Variants in RGS6 observed in about 807,000 individuals in gnomAD.
RGS6 encodes regulator of G-protein signaling 6.
In RGS6, 30 loss-of-function variants were observed where a neutral mutation model predicts 78.5. That is an observed-to-expected ratio of 0.38 (90% CI 0.29 to 0.52). The LOEUF is 0.52. Among genes scored for constraint, RGS6 ranks in the 20% least tolerant of loss-of-function variants. The pLI is 0.85. For missense variants in RGS6, 495 were observed against 609.7 expected, an observed-to-expected ratio of 0.81 and a Z score of 1.98; for synonymous variants, 206 against 206.0, an observed-to-expected ratio of 1.00 and a Z score of 0.00.
At chr14:71,910,534 C>T in the RGS6 span, among the ~76,000 whole-genome samples, 1 of 152,344 alleles carries the variant, frequency 6.6e-6, no homozygotes, top group South Asian at 2.1e-4. Flanking sequence ...CATTGCTGTG[C>T]ATTACACACA....
chr14:72,210,990 G>A (rs1599593149), intron 2 of RGS6, among the ~76,000 whole-genome samples: 1 of 152,112 alleles, frequency 6.6e-6, no homozygotes, highest in East Asian at 1.9e-4. Flanking sequence ...TTCATCTTGT[G>A]TCAAAATCAG....
chr14:72,249,629 T>G lies in RGS6; in HGVS notation c.85-102466T>G, dbSNP rs144183262. On this transcript the variant is annotated intron_variant, in intron 2 of 17. Transcript: ENST00000553525. Reference sequence around the variant, plus strand: ...ACTTGTCTGACATTTATTTTCATCCTACAATGTGAATGCAATGAAGGATCA... The same window carrying G: ...ACTTGTCTGACATTTATTTTCATCCGACAATGTGAATGCAATGAAGGATCA... 4.6e-5 allele frequency among the ~76,000 whole-genome samples: 7 copies of G among 152,344 alleles called. No individual in the cohort carries two copies. In the East Asian group the frequency reaches 1.4e-3, roughly 29 times the overall value.
intron 3 of RGS6, among the ~76,000 whole-genome samples, chr14:72,359,491 A>C (rs928240665): frequency 2.6e-5 from 4 of 152,176 alleles, no homozygotes; most frequent in African/African-American, 9.7e-5. Context: ...TAAGTATTCC[A>C]GTATGTGGAT....
chr14:72,334,061 A>T (rs1184375368), intron 2 of RGS6, among the ~76,000 whole-genome samples: 2 of 152,004 alleles, frequency 1.3e-5, no homozygotes, highest in Non-Finnish European at 2.9e-5. Context: ...CTCCCCTTAA[A>T]CCTCCATCTC....
chr14:72,332,936 A>C (rs2075341358), intron 2 of RGS6, among the ~76,000 whole-genome samples: 1 of 152,078 alleles, frequency 6.6e-6, no homozygotes, highest in Non-Finnish European at 1.5e-5. Flanking sequence ...ACAGAGGCAC[A>C]CGGGTGCAGC....
intron 2 of RGS6, among the ~76,000 whole-genome samples, chr14:72,007,091 C>T (rs968425729): frequency 6.6e-6 from 1 of 150,940 alleles, no homozygotes; most frequent in Non-Finnish European, 1.5e-5. Context: ...AGAAAATGTG[C>T]CTGATAAACT....
intron 3 of RGS6, among the ~76,000 whole-genome samples, chr14:72,426,682 G>A (rs2094445831): frequency 6.6e-6 from 1 of 152,190 alleles, no homozygotes; most frequent in Non-Finnish European, 1.5e-5. Flanking sequence ...TTAACAGTTT[G>A]TCCCATCATA....
chr14:72,365,519 T>G (rs191315390), intron 3 of RGS6, among the ~76,000 whole-genome samples: 1 of 152,310 alleles, frequency 6.6e-6, no homozygotes, highest in East Asian at 1.9e-4. Flanking sequence ...GTTGGAACAG[T>G]GACACAAGAG....
intron 2 of RGS6, among the ~76,000 whole-genome samples, chr14:72,104,045 A>G (rs2095580919): frequency 1.3e-5 from 2 of 152,172 alleles, no homozygotes; most frequent in South Asian, 2.1e-4. Context: ...CGTTTCCCCC[A>G]GGAGCTTATT....
Position 72,426,860 on chromosome 14 carries a change from C to G in RGS6, c.185-27668C>G, listed in dbSNP as rs535711173. On this transcript the variant is annotated intron_variant, in intron 3 of 17. Transcript: ENST00000553525. The stretch of plus-strand genomic sequence containing the variant: ...ATACTGTTGTGGAACTATCACCTCT[C>G]CATCCCAAAAGGTGGAACAGAAGCA... 1.8e-4 allele frequency among the ~76,000 whole-genome samples: 28 copies of G among 152,332 alleles called. 1 individual carries two copies. In the South Asian group the frequency reaches 5.4e-3, roughly 29 times the overall value.
intron 2 of RGS6, among the ~76,000 whole-genome samples, chr14:72,301,868 CTTAA>C (rs924283641): frequency 1.3e-5 from 2 of 152,128 alleles, no homozygotes; most frequent in Admixed American, 6.5e-5. Context: ...CCAGGACAAC[CTTAA>C]TTAATTACAT....
intron 2 of RGS6, among the ~76,000 whole-genome samples, chr14:72,094,979 C>T (rs1178224081): frequency 6.6e-6 from 1 of 152,056 alleles, no homozygotes; most frequent in Admixed American, 6.5e-5. Context: ...AAGCCTAATG[C>T]TCTTTCTTCT....
At chr14:72,210,369 C>G (rs1268588665) in intron 2 of RGS6, among the ~76,000 whole-genome samples, 2 of 152,122 alleles carry the variant, frequency 1.3e-5, no homozygotes, top group African/African-American at 4.8e-5. Flanking sequence ...CATTTGGTCT[C>G]CACAAGCCTT....
chr14:72,315,885 T>G (rs1291627711), intron 2 of RGS6, among the ~76,000 whole-genome samples: 1 of 152,190 alleles, frequency 6.6e-6, no homozygotes, highest in African/African-American at 2.4e-5. Context: ...TTGGCCCACT[T>G]AACTCTTGTT....
chr14:72,235,042 C>A (rs1243268409), intron 2 of RGS6, among the ~76,000 whole-genome samples: 1 of 152,102 alleles, frequency 6.6e-6, no homozygotes, highest in East Asian at 1.9e-4. Flanking sequence ...GCTCCCATTG[C>A]CATCTGACGT....
At chr14:72,105,655 A>G (rs1033315597) in intron 2 of RGS6, among the ~76,000 whole-genome samples, 1 of 152,210 alleles carries the variant, frequency 6.6e-6, no homozygotes, top group Non-Finnish European at 1.5e-5. Context: ...AACATAAACC[A>G]CATTTTTATT....
chr14:71,935,745 C>G (rs935361757), intron 1 of RGS6, among the ~76,000 whole-genome samples: 2 of 151,954 alleles, frequency 1.3e-5, no homozygotes, highest in African/African-American at 4.8e-5. Flanking sequence ...CTCTGTTTCC[C>G]TAAAGGGCAA....
the RGS6 span, among the ~76,000 whole-genome samples, chr14:71,921,525 A>G: frequency 6.6e-6 from 1 of 152,234 alleles, no homozygotes; most frequent in African/African-American, 2.4e-5. Context: ...ATCCAGCCCT[A>G]ACAAAGGAGA....
intron 3 of RGS6, among the ~76,000 whole-genome samples, chr14:72,431,871 T>C (rs2153166859): frequency 6.6e-6 from 1 of 152,264 alleles, no homozygotes; most frequent in African/African-American, 2.4e-5. Flanking sequence ...GGATATCTTT[T>C]TGCCTTTTTT....
Sources: allele counts gnomAD v4.1 joint callset (sites outside exome capture counted in the v4.1 genomes callset), GRCh38; gene constraint gnomAD v4.1.1; transcripts MANE v1.5; gene names NCBI Gene and HGNC (gene_info 2026-07-23, HGNC 2026-07-21).